The following MCTP2 variants were observed in gnomAD, a reference collection of about 807,000 sequenced individuals.
MCTP2 encodes multiple C2 and transmembrane domain-containing protein 2.
Under a neutral mutation model 111.6 loss-of-function variants are expected in MCTP2, and 132 were observed. That is an observed-to-expected ratio of 1.18 (90% CI 1.03 to 1.37). The LOEUF (loss-of-function observed/expected upper bound fraction) is 1.37, where lower values mean the gene tolerates loss of function less well. MCTP2 is among the 40% of genes most tolerant of loss of function. The probability of loss-of-function intolerance (pLI) is 0.00; values close to 1 mark genes in which losing one functional copy is unlikely to be tolerated. For synonymous variants in MCTP2, 395 were observed against 387.7 expected (o/e 1.02, Z -0.22); for missense variants, 1,183 against 1,067.9 (o/e 1.11, Z -1.50).
chr15:94,240,322 G>C (rs2070855212), intron 1 of MCTP2, among the ~76,000 whole-genome samples: 1 of 152,084 alleles, frequency 6.6e-6, no homozygotes, highest in Admixed American at 6.6e-5. Context: ...CACCCAACTG[G>C]GTTGGAAATC....
At chr15:94,321,038 A>G (rs2076608829) in intron 4 of MCTP2, among the ~76,000 whole-genome samples, 1 of 152,206 alleles carries the variant, frequency 6.6e-6, no homozygotes, top group Non-Finnish European at 1.5e-5. Context: ...CTGGGGGACA[A>G]AATGTTAAGT....
At chr15:94,384,835 C>G (rs2080363211) in intron 13 of MCTP2, among the ~76,000 whole-genome samples, 1 of 152,212 alleles carries the variant, frequency 6.6e-6, no homozygotes, top group African/African-American at 2.4e-5. Flanking sequence ...CTGCTAAACA[C>G]TTTTGCCAAT....
intron 20 of MCTP2, among the ~76,000 whole-genome samples, chr15:94,459,577 A>G (rs547914794): frequency 3.8e-4 from 58 of 152,350 alleles, no homozygotes; most frequent in African/African-American, 1.3e-3. Flanking sequence ...GCTCACAGAT[A>G]TGATGCCTAT....
chr15:94,249,255 T>G (rs1014152709), intron 1 of MCTP2, among the ~76,000 whole-genome samples: 2 of 152,230 alleles, frequency 1.3e-5, no homozygotes, highest in Non-Finnish European at 2.9e-5. Context: ...CTTTCCTGTA[T>G]TGGCTGTTGA....
intron 1 of MCTP2, among the ~76,000 whole-genome samples, chr15:94,268,483 C>T (rs938512910): frequency 1.8e-4 from 27 of 152,190 alleles, no homozygotes; most frequent in East Asian, 5.8e-4. Context: ...TGAGCCACCG[C>T]GCCTGGCCAC....
At chr15:94,458,913 C>T (rs1178404306) in intron 20 of MCTP2, among the ~76,000 whole-genome samples, 1 of 152,146 alleles carries the variant, frequency 6.6e-6, no homozygotes, top group Admixed American at 6.6e-5. Flanking sequence ...TTTATATAAA[C>T]AGGTAACATG....
chr15:94,483,890 T>C lies in MCTP2; in HGVS notation c.*4856T>C, dbSNP rs1459691449. ...TATCAAAACCTGCCTCTCATTTATG[T>C]ATTAGGAATCTTGTGACAACGGAAC... On this transcript the variant is annotated 3_prime_UTR_variant, in exon 23 of 23. Coordinates refer to ENST00000357742, the MANE Select transcript of MCTP2 (RefSeq NM_001385001.1). 1 of 152,210 alleles carries C rather than the reference T, an allele frequency of 6.6e-6. No individual in the cohort carries two copies. The highest frequency in any genetic ancestry group is 1.5e-5 in the Non-Finnish European group (1 of 68,028). 9.4% of individuals were successfully genotyped at this position (152,210 alleles called of 1,614,324 possible).
At chr15:94,240,625 G>A (rs913304479) in intron 1 of MCTP2, among the ~76,000 whole-genome samples, 3 of 152,158 alleles carry the variant, frequency 2.0e-5, no homozygotes, top group African/African-American at 7.2e-5. Context: ...AAACCCTGTT[G>A]TGAAGATAAA....
At chr15:94,259,072 C>A (rs1202029172) in intron 1 of MCTP2, among the ~76,000 whole-genome samples, 3 of 152,162 alleles carry the variant, frequency 2.0e-5, no homozygotes, top group Non-Finnish European at 4.4e-5. Context: ...TCTTCCTACA[C>A]TCTGTGGCTA....
At chr15:94,440,344 G>A in intron 18 of MCTP2, 46 bp downstream of exon 18, 1 of 1,608,286 alleles carries the variant, frequency 6.2e-7, no homozygotes, top group Non-Finnish European at 8.5e-7. Context: ...CGAGAAATGT[G>A]TTAACAACAA....
intron 1 of MCTP2, among the ~76,000 whole-genome samples, chr15:94,275,184 T>C (rs1018316136): frequency 6.6e-5 from 10 of 152,198 alleles, no homozygotes; most frequent in African/African-American, 2.2e-4. Context: ...TCTTAGAAAG[T>C]CTACAGAAAA....
At chr15:94,273,257 A>G (rs376871409) in intron 1 of MCTP2, among the ~76,000 whole-genome samples, 8 of 152,236 alleles carry the variant, frequency 5.3e-5, no homozygotes, top group Non-Finnish European at 7.3e-5. Context: ...TGGCATATAT[A>G]GAACCCAGCA....
chr15:94,274,260 C>G (rs1463395122), intron 1 of MCTP2, among the ~76,000 whole-genome samples: 1 of 151,962 alleles, frequency 6.6e-6, no homozygotes, highest in Non-Finnish European at 1.5e-5. Context: ...TGGAATGCAA[C>G]TAATTCAGTG....
chr15:94,404,650 C>A (rs1177951467), intron 17 of MCTP2, among the ~76,000 whole-genome samples: 1 of 151,474 alleles, frequency 6.6e-6, no homozygotes, highest in Non-Finnish European at 1.5e-5. Flanking sequence ...GGTAGCCAAG[C>A]TTTCATGTCC....
At chr15:94,390,586 A>G (rs962382815) in intron 14 of MCTP2, among the ~76,000 whole-genome samples, 12 of 152,104 alleles carry the variant, frequency 7.9e-5, no homozygotes, top group African/African-American at 2.2e-4. Flanking sequence ...AAATTACCCA[A>G]TGGACCCATT....
At chr15:94,402,507 C>CTT (rs2081649670) in intron 17 of MCTP2, 1 of 1,551,680 alleles carries the variant, frequency 6.4e-7, no homozygotes, top group South Asian at 1.2e-5. Flanking sequence ...GGAACCACCC[C>CTT]TGTCTATGAA....
intron 1 of MCTP2, among the ~76,000 whole-genome samples, chr15:94,241,406 C>G (rs910124750): frequency 1.3e-5 from 2 of 151,918 alleles, no homozygotes; most frequent in East Asian, 1.9e-4. Context: ...TTTTGCTGAC[C>G]AATTCTGGAT....
At position 94,370,153 on chromosome 15, in the gene MCTP2, G is replaced by A. The variant is rs1458538199; in HGVS notation, c.1555G>A (p.Ala519Thr). ...GILQVKVLKA[A>T]DLLAADFSGK... ...TCTACAAGTGAAGGTTTTAAAGGCA[G>A]CAGATCTCTTAGCGGCAGATTTCTC... The change falls in exon 12 of 23, where the codon GCA (alanine) becomes ACA (threonine). Residue 519 changes from alanine (A) to threonine (T), a missense_variant. Coordinates refer to ENST00000357742, the MANE Select transcript of MCTP2 (RefSeq NM_001385001.1). 12 of 1,613,318 alleles carry A rather than the reference G, an allele frequency of 7.4e-6. No homozygotes were observed. Among genetic ancestry groups the A allele is most frequent in the Non-Finnish European group, 1.0e-5 (12 of 1,179,618 alleles).
At chr15:94,404,550 C>A (rs918169068) in intron 17 of MCTP2, among the ~76,000 whole-genome samples, 6 of 152,142 alleles carry the variant, frequency 3.9e-5, no homozygotes, top group Admixed American at 1.3e-4. Context: ...CCACCCATCT[C>A]GGCCTCCCAA....
Sources: gnomAD v4.1 joint callset for allele counts (sites outside exome capture counted in the v4.1 genomes callset) on GRCh38, gnomAD v4.1.1 for gene constraint, MANE v1.5 for transcripts, NCBI Gene and HGNC (gene_info 2026-07-23, HGNC 2026-07-21) for gene names.